Variants in AKAP6 observed in about 807,000 individuals in gnomAD.
AKAP6 encodes A-kinase anchor protein 6.
AKAP6 carries 58 observed loss-of-function variants against 188.5 expected under a neutral mutation model. The observed-to-expected ratio is 0.31, with a 90% CI of 0.25 to 0.38. The LOEUF is 0.38. AKAP6 is among the 10% of genes least tolerant of loss of function. AKAP6 has a pLI of 1.00. For synonymous variants in AKAP6, 989 were observed against 998.6 expected, an observed-to-expected ratio of 0.99 and a Z score of 0.18; for missense variants, 2,710 against 2,740.0, an observed-to-expected ratio of 0.99 and a Z score of 0.24.
chr14:32,361,619 C>T (rs1185397304), intron 1 of AKAP6, among the ~76,000 whole-genome samples: 7 of 152,156 alleles, frequency 4.6e-5, no homozygotes. Context: ...CTTTCTCCTT[C>T]CTGTAGGGGA....
intron 7 of AKAP6, among the ~76,000 whole-genome samples, chr14:32,675,348 A>C (rs1889383066): frequency 6.6e-6 from 1 of 152,326 alleles, no homozygotes; most frequent in African/African-American, 2.4e-5. Flanking sequence ...TTGATGGTGC[A>C]TCTTAAATAT....
chr14:32,618,824 G>C (rs1886696340), intron 7 of AKAP6, among the ~76,000 whole-genome samples: 2 of 152,310 alleles, frequency 1.3e-5, no homozygotes, highest in South Asian at 2.1e-4. Flanking sequence ...CAGTGTATAA[G>C]TGTTCCCTTT....
At chr14:32,628,306 T>G (rs1360014585) in intron 7 of AKAP6, among the ~76,000 whole-genome samples, 1 of 152,134 alleles carries the variant, frequency 6.6e-6, no homozygotes, top group African/African-American at 2.4e-5. Flanking sequence ...TAAATGATAT[T>G]AACTTCAATT....
chr14:32,554,671 T>C (rs1463429013), intron 4 of AKAP6, among the ~76,000 whole-genome samples: 1 of 152,178 alleles, frequency 6.6e-6, no homozygotes, highest in Non-Finnish European at 1.5e-5. Flanking sequence ...TTCTTCCTCA[T>C]GACCTGAAGA....
intron 2 of AKAP6, among the ~76,000 whole-genome samples, chr14:32,530,089 C>T (rs969152664): frequency 3.4e-5 from 5 of 148,830 alleles, no homozygotes; most frequent in Non-Finnish European, 7.4e-5. Context: ...TACAGCGGTA[C>T]GATCATGGCT....
At chr14:32,802,473 A>G (rs959061931) in intron 12 of AKAP6, among the ~76,000 whole-genome samples, 4 of 152,238 alleles carry the variant, frequency 2.6e-5, no homozygotes, top group African/African-American at 4.8e-5. Context: ...AAGAAATGCA[A>G]AGTGGCAGTT....
chr14:32,369,102 C>T (rs1268740556), intron 1 of AKAP6, among the ~76,000 whole-genome samples: 1 of 152,054 alleles, frequency 6.6e-6, no homozygotes, highest in East Asian at 1.9e-4. Flanking sequence ...GGGCACTCTT[C>T]AAATGTGGTT....
At chr14:32,460,798 C>A (rs908622162) in intron 2 of AKAP6, among the ~76,000 whole-genome samples, 3 of 152,222 alleles carry the variant, frequency 2.0e-5, no homozygotes, top group Non-Finnish European at 4.4e-5. Flanking sequence ...CCCATGGAGC[C>A]CAGCAAGCTA....
Position 32,835,953 on chromosome 14 carries a change from C to T in AKAP6, c.*6148C>T, listed in dbSNP as rs2034870756. ...TAGGATGACATGGGCAGGTCAGGCCCACAATAGTATGGTTTCTTTGGCAAA... is the reference window on the plus strand; with the variant it reads ...TAGGATGACATGGGCAGGTCAGGCCTACAATAGTATGGTTTCTTTGGCAAA... On this transcript the variant is annotated 3_prime_UTR_variant, in exon 14 of 14. Coordinates refer to ENST00000280979, the MANE Select transcript of AKAP6 (RefSeq NM_004274.5). The T allele has an allele frequency of 6.6e-6, 1 of 152,206 alleles. No homozygotes were observed. Among genetic ancestry groups the T allele is most frequent in the African/African-American group, 2.4e-5 (1 of 41,450 alleles). The allele number at this position is 152,206 out of a possible 1,614,324, so 9.4% of individuals were successfully genotyped here. A position where few individuals can be genotyped will look rare whatever the true frequency, so the allele number is the denominator to read the frequency against.
At chr14:32,745,907 C>A (rs1053908941) in intron 11 of AKAP6, among the ~76,000 whole-genome samples, 1 of 152,184 alleles carries the variant, frequency 6.6e-6, no homozygotes, top group Non-Finnish European at 1.5e-5. Context: ...CCCACTCTTC[C>A]ATCCCCTTTC....
chr14:32,730,193 CT>C (rs1192647290), intron 9 of AKAP6, among the ~76,000 whole-genome samples: 5 of 151,936 alleles, frequency 3.3e-5, no homozygotes, highest in Non-Finnish European at 5.9e-5. Flanking sequence ...ATTTTAGTAC[CT>C]TTCATCCATA....
intron 4 of AKAP6, among the ~76,000 whole-genome samples, chr14:32,563,688 G>T (rs1046036385): frequency 1.3e-5 from 2 of 152,128 alleles, no homozygotes; most frequent in Non-Finnish European, 2.9e-5. Context: ...GGCCACCCCA[G>T]GTTCCTGCAC....
rs2034864596 is a variant in AKAP6, at chr14:32,835,310, C to G, written c.*5505C>G. 1 of 151,838 alleles carries G rather than the reference C, an allele frequency of 6.6e-6. No homozygotes were observed. Among genetic ancestry groups the G allele is most frequent in the Non-Finnish European group, 1.5e-5 (1 of 67,998 alleles). 9.4% of individuals were successfully genotyped at this position (151,838 alleles called of 1,614,324 possible). On this transcript the variant is annotated 3_prime_UTR_variant, in exon 14 of 14. Coordinates refer to ENST00000280979, the MANE Select transcript of AKAP6 (RefSeq NM_004274.5). ...TTCCTAGATTTTATTGCATTCTCAA[C>G]TTGTTTCATATTACCTTAAAAAATA...
intron 3 of AKAP6, among the ~76,000 whole-genome samples, chr14:32,541,563 A>G (rs1035388371): frequency 4.6e-5 from 7 of 152,122 alleles, no homozygotes; most frequent in Non-Finnish European, 1.0e-4. Flanking sequence ...TAAATCTATC[A>G]TATAAATACT....
In AKAP6 at chr14:32,822,423, A is replaced by G; in HGVS notation, c.4610A>G (p.Asp1537Gly). 1 of 1,613,972 alleles carries G rather than the reference A, an allele frequency of 6.2e-7. No individual in the cohort carries two copies. Among genetic ancestry groups the G allele is most frequent in the Non-Finnish European group, 8.5e-7 (1 of 1,179,890 alleles). The change falls in exon 13 of 14, where the codon GAT becomes GGT. Residue 1537 changes from aspartate (D) to glycine (G), a missense_variant. Physicochemically the swap from Asp to Gly is moderately conservative, Grantham distance 94. This residue lies in a region of AKAP6 where 2,473 missense variants were observed against 2,426.1 expected (regional missense o/e 1.02). Coordinates refer to ENST00000280979, the MANE Select transcript of AKAP6 (RefSeq NM_004274.5). ...TTGGCAAGTGCATCTCATGAAATGG[A>G]TCGCATTTCATATAAAAGTGGCAAT... ...RILASASHEM[D>G]RISYKSGNIE...
chr14:32,486,358 C>T (rs777636080), intron 2 of AKAP6, among the ~76,000 whole-genome samples: 12 of 152,216 alleles, frequency 7.9e-5, no homozygotes, highest in South Asian at 2.1e-4. Context: ...CAAAGAAAGA[C>T]GATGGTAGCT....
At chr14:32,581,873 T>G (rs1237817322) in intron 5 of AKAP6, among the ~76,000 whole-genome samples, 1 of 152,226 alleles carries the variant, frequency 6.6e-6, no homozygotes, top group African/African-American at 2.4e-5. Flanking sequence ...CCTTTTATTT[T>G]GAGCCTATGT....
In AKAP6 at chr14:32,600,800, G is replaced by C; in HGVS notation, c.2730+8G>C. 1 of 1,590,404 alleles carries C rather than the reference G, an allele frequency of 6.3e-7. No individual in the cohort carries two copies. Among genetic ancestry groups the C allele is most frequent in the South Asian group, 1.1e-5 (1 of 87,242 alleles). On this transcript the variant is annotated splice_region_variant and intron_variant, in intron 7 of 13. Transcript: ENST00000280979. ...GGGACTGGAAGCCCCAAGGTAAGTG[G>C]CTTGAAGTTTGCCTTATTTCCTCTT...
chr14:32,563,061 C>T (rs944838975), intron 4 of AKAP6, among the ~76,000 whole-genome samples: 25 of 152,202 alleles, frequency 1.6e-4, no homozygotes, highest in African/African-American at 6.0e-4. Flanking sequence ...CCAAAACCAC[C>T]TTGCTCATGG....
Sources: allele counts gnomAD v4.1 joint callset (sites outside exome capture counted in the v4.1 genomes callset), GRCh38; gene constraint gnomAD v4.1.1; regional missense constraint gnomAD v4.1.1; transcripts MANE v1.5; gene names NCBI Gene and HGNC (gene_info 2026-07-23, HGNC 2026-07-21).